PRKG1: variants seen among roughly 807,000 people sequenced by gnomAD.
PRKG1 encodes the protein protein kinase cGMP-dependent 1.
PRKG1 carries 35 observed loss-of-function variants against 88.1 expected under a neutral mutation model. The observed-to-expected ratio is 0.40, with a 90% CI of 0.30 to 0.53. The LOEUF is 0.53. Ranked by LOEUF, PRKG1 falls within the 20% of genes least tolerant of loss-of-function variation. The pLI is 0.59. For missense variants in PRKG1, 540 were observed against 839.8 expected (o/e 0.64, Z 4.41); for synonymous variants, 303 against 292.5 (o/e 1.04, Z -0.37).
At chr10:51,452,786 T>C (rs979117489) in intron 2 of PRKG1, among the ~76,000 whole-genome samples, 1 of 151,934 alleles carries the variant, frequency 6.6e-6, no homozygotes, top group African/African-American at 2.4e-5. Flanking sequence ...GTTTTGGTAT[T>C]AGGGTGATAT....
At chr10:52,202,269 A>T (rs193265001) in intron 9 of PRKG1, among the ~76,000 whole-genome samples, 32 of 152,248 alleles carry the variant, frequency 2.1e-4, no homozygotes, top group Non-Finnish European at 3.2e-4. Context: ...ATTGAATTTT[A>T]TCAAAAATCC....
chr10:52,040,838 T>G (rs113866801), intron 5 of PRKG1, among the ~76,000 whole-genome samples: 5 of 142,720 alleles, frequency 3.5e-5, no homozygotes, highest in African/African-American at 1.3e-4. Flanking sequence ...TTTTCTTTTT[T>G]TTTTTTTTTT....
At chr10:52,251,738 T>A in intron 10 of PRKG1, 72 bp downstream of exon 10, 2 of 1,211,958 alleles carry the variant, frequency 1.7e-6, no homozygotes, top group East Asian at 4.7e-5. Flanking sequence ...AGATTAAGAT[T>A]TCTTTCTTTT....
intron 1 of PRKG1, among the ~76,000 whole-genome samples, chr10:51,094,588 C>T (rs1276702906): frequency 2.0e-5 from 3 of 151,464 alleles, no homozygotes; most frequent in Non-Finnish European, 4.4e-5. Context: ...ATGAAAGATA[C>T]ATGTAGAATG....
chr10:51,150,914 C>T (rs376949752), intron 1 of PRKG1, among the ~76,000 whole-genome samples: 47 of 152,018 alleles, frequency 3.1e-4, no homozygotes, highest in African/African-American at 1.0e-3. Flanking sequence ...AAAGCGACTT[C>T]AATCATGTTT....
chr10:51,594,475 C>T (rs1356255872), intron 3 of PRKG1, among the ~76,000 whole-genome samples: 2 of 152,144 alleles, frequency 1.3e-5, no homozygotes, highest in African/African-American at 4.8e-5. Context: ...AATATGTTGT[C>T]TCATATTACC....
At chr10:51,759,845 T>A (rs1441969639) in intron 3 of PRKG1, among the ~76,000 whole-genome samples, 2 of 152,168 alleles carry the variant, frequency 1.3e-5, no homozygotes, top group African/African-American at 4.8e-5. Flanking sequence ...TTAGCTTTTG[T>A]CACTGAATAT....
At chr10:51,713,790 G>A (rs1841817444) in intron 3 of PRKG1, among the ~76,000 whole-genome samples, 1 of 152,148 alleles carries the variant, frequency 6.6e-6, no homozygotes, top group Non-Finnish European at 1.5e-5. Flanking sequence ...TGTAATGCAA[G>A]TGATTGTGTT....
intron 5 of PRKG1, among the ~76,000 whole-genome samples, chr10:51,914,269 T>G (rs1842289225): frequency 8.9e-6 from 1 of 112,770 alleles, no homozygotes; most frequent in Non-Finnish European, 1.8e-5. Flanking sequence ...GATGACATCT[T>G]TAAAGAAAGC....
At chr10:52,237,227 A>T (rs1296793495) in intron 9 of PRKG1, among the ~76,000 whole-genome samples, 3 of 143,444 alleles carry the variant, frequency 2.1e-5, no homozygotes, top group Non-Finnish European at 4.5e-5. Flanking sequence ...GAATGGGCAA[A>T]AACTGGAAGC....
intron 9 of PRKG1, among the ~76,000 whole-genome samples, chr10:52,230,450 T>C (rs1406801958): frequency 6.6e-6 from 1 of 152,254 alleles, no homozygotes; most frequent in Non-Finnish European, 1.5e-5. Flanking sequence ...TTAATATTTA[T>C]GATAACCCAC....
At chr10:52,115,484 G>T (rs1356568601) in intron 7 of PRKG1, among the ~76,000 whole-genome samples, 1 of 152,056 alleles carries the variant, frequency 6.6e-6, no homozygotes, top group African/African-American at 2.4e-5. Context: ...TTCACAGGCT[G>T]TTCCTGGTGA....
chr10:51,496,498 G>A (rs1290577959), intron 3 of PRKG1, among the ~76,000 whole-genome samples: 2 of 152,040 alleles, frequency 1.3e-5, no homozygotes, highest in African/African-American at 2.4e-5. Context: ...TCACCCTTGG[G>A]CCCTGTTTTG....
chr10:51,775,504 T>G (rs1462215065), intron 3 of PRKG1, among the ~76,000 whole-genome samples: 1 of 152,004 alleles, frequency 6.6e-6, no homozygotes, highest in African/African-American at 2.4e-5. Flanking sequence ...CAAATCTGAG[T>G]AGATGATTTT....
chr10:52,292,719 G>T (rs146084496), intron 17 of PRKG1, among the ~76,000 whole-genome samples: 187 of 152,098 alleles, frequency 1.2e-3, no homozygotes, highest in African/African-American at 4.0e-3. Context: ...AACCCTTCAT[G>T]CTAAAAACTC....
rs372214779 is a variant in PRKG1, at chr10:51,294,434, G to C, written c.478+141104G>C. ...GTTCAATTTCATTCTTCTGTGGTTG[G>C]ACATACTGTTTTCCCAACATAATTT... On this transcript the variant is annotated intron_variant, in intron 2 of 17. Coordinates refer to ENST00000373980, the MANE Select transcript of PRKG1 (RefSeq NM_006258.4). Among the ~76,000 whole-genome samples, 10 of 152,054 alleles carry C rather than the reference G, an allele frequency of 6.6e-5. No homozygotes were observed. In the South Asian group the frequency reaches 1.9e-3, roughly 28 times the overall value.
chr10:51,728,454 T>TTC (rs1842191484), intron 3 of PRKG1, among the ~76,000 whole-genome samples: 2 of 68,858 alleles, frequency 2.9e-5, no homozygotes, highest in Admixed American at 2.9e-4. Context: ...TTTTTCTTTG[T>TTC]TTTTTTTTTT....
At chr10:52,095,033 G>A (rs1847141680) in intron 7 of PRKG1, among the ~76,000 whole-genome samples, 1 of 152,106 alleles carries the variant, frequency 6.6e-6, no homozygotes. Flanking sequence ...GATTCTGCTA[G>A]CACAACTCAT....
intron 2 of PRKG1, among the ~76,000 whole-genome samples, chr10:51,220,457 G>A (rs1838498704): frequency 6.6e-6 from 1 of 152,096 alleles, no homozygotes; most frequent in South Asian, 2.1e-4. Flanking sequence ...AAGAAACAAA[G>A]ACCAAAAGGC....
Sources: gnomAD v4.1 joint callset for allele counts (sites outside exome capture counted in the v4.1 genomes callset) on GRCh38, gnomAD v4.1.1 for gene constraint, MANE v1.5 for transcripts, NCBI Gene and HGNC (gene_info 2026-07-23, HGNC 2026-07-21) for gene names.